The following TNNI3K variants were observed in gnomAD, a reference collection of about 807,000 sequenced individuals.
TNNI3K encodes the protein TNNI3 interacting kinase, also known as serine/threonine-protein kinase TNNI3K.
In TNNI3K, 140 loss-of-function variants were observed where a neutral mutation model predicts 114.5. The ratio of observed to expected loss-of-function variants is 1.22; its 90% CI spans 1.07 to 1.41. The LOEUF (loss-of-function observed/expected upper bound fraction) is 1.41, where lower values mean the gene tolerates loss of function less well. TNNI3K is among the 40% of genes most tolerant of loss of function. The pLI, the probability that TNNI3K is intolerant of heterozygous loss-of-function variation, is 0.00. For synonymous variants in TNNI3K, 347 were observed against 347.5 expected (o/e 1.00, Z 0.02); for missense variants, 1,125 against 1,007.6 (o/e 1.12, Z -1.58).
At chr1:74,538,738 G>T (rs894946787) in intron 23 of TNNI3K, among the ~76,000 whole-genome samples, 1 of 152,112 alleles carries the variant, frequency 6.6e-6, no homozygotes, top group Non-Finnish European at 1.5e-5. Context: ...CAAGTGTTCA[G>T]CAAAAGGGGA....
chr1:74,532,513 T>C (rs1054596629), intron 23 of TNNI3K, among the ~76,000 whole-genome samples: 6 of 152,050 alleles, frequency 3.9e-5, no homozygotes, highest in Non-Finnish European at 8.8e-5. Context: ...TTAGGGTACA[T>C]GTGCACAATG....
At chr1:74,285,320 C>T (rs1434947462) in intron 5 of TNNI3K, among the ~76,000 whole-genome samples, 4 of 152,172 alleles carry the variant, frequency 2.6e-5, no homozygotes, top group African/African-American at 9.7e-5. Flanking sequence ...ACCTTTTCAG[C>T]CCTGGATCTT....
At chr1:74,540,393 C>A in intron 24 of TNNI3K, 80 bp downstream of exon 24, 3 of 1,283,176 alleles carry the variant, frequency 2.3e-6, no homozygotes, top group Non-Finnish European at 3.3e-6. Flanking sequence ...AGGGAGAAAG[C>A]ATTGCATATT....
intron 19 of TNNI3K, among the ~76,000 whole-genome samples, chr1:74,436,849 T>A (rs1570618036): frequency 6.6e-6 from 1 of 152,088 alleles, no homozygotes; most frequent in Non-Finnish European, 1.5e-5. Flanking sequence ...AAGTAAACAT[T>A]TAATAGGGAA....
chr1:74,522,276 T>A (rs1192443944), intron 23 of TNNI3K, among the ~76,000 whole-genome samples: 1 of 152,160 alleles, frequency 6.6e-6, no homozygotes, highest in Non-Finnish European at 1.5e-5. Flanking sequence ...AGCTGCTGCT[T>A]GTACTTGCTA....
chr1:74,388,196 T>C (rs910816777), intron 17 of TNNI3K, among the ~76,000 whole-genome samples: 2 of 152,040 alleles, frequency 1.3e-5, no homozygotes, highest in Non-Finnish European at 2.9e-5. Flanking sequence ...AAGAATGGCT[T>C]GAACCTGGGT....
intron 9 of TNNI3K, among the ~76,000 whole-genome samples, chr1:74,351,237 G>T (rs935175890): frequency 6.6e-6 from 1 of 151,578 alleles, no homozygotes; most frequent in African/African-American, 2.4e-5. Flanking sequence ...GCTTAGTTTG[G>T]CTGGATATGA....
chr1:74,535,816 T>A (rs574811721), intron 23 of TNNI3K, among the ~76,000 whole-genome samples: 1 of 152,198 alleles, frequency 6.6e-6, no homozygotes, highest in Admixed American at 6.5e-5. Context: ...TCAGTCACAA[T>A]TGAATCTAAC....
intron 6 of TNNI3K, among the ~76,000 whole-genome samples, chr1:74,333,780 G>A (rs921301194): frequency 1.4e-4 from 22 of 152,232 alleles, no homozygotes; most frequent in Admixed American, 1.1e-3. Flanking sequence ...TGCACCAAGA[G>A]CAATATTTCC....
intron 11 of TNNI3K, among the ~76,000 whole-genome samples, chr1:74,365,875 TAAG>T (rs1405640613): frequency 6.6e-6 from 1 of 151,962 alleles, no homozygotes; most frequent in African/African-American, 2.4e-5. Context: ...CTGGAGATGA[TAAG>T]AAAATAGACA....
intron 23 of TNNI3K, among the ~76,000 whole-genome samples, chr1:74,506,566 G>A (rs1434287721): frequency 6.6e-6 from 1 of 152,174 alleles, no homozygotes; most frequent in Non-Finnish European, 1.5e-5. Context: ...TGAGGCATTT[G>A]AATTGGATGC....
At chr1:74,341,918 G>A (rs1413789506) in intron 7 of TNNI3K, 2 of 152,196 alleles carry the variant, frequency 1.3e-5, no homozygotes, top group African/African-American at 4.8e-5. Flanking sequence ...TACGTCATCA[G>A]CTCTGAAGTC....
chr1:74,445,175 T>A (rs953837126), intron 20 of TNNI3K, among the ~76,000 whole-genome samples: 1 of 151,896 alleles, frequency 6.6e-6, no homozygotes, highest in African/African-American at 2.4e-5. Flanking sequence ...AAGCAAAAAT[T>A]GACAAACGTG....
chr1:74,259,706 G>A (rs1655553577), intron 4 of TNNI3K, among the ~76,000 whole-genome samples: 1 of 152,160 alleles, frequency 6.6e-6, no homozygotes, highest in African/African-American at 2.4e-5. Context: ...TCAGGAGGTG[G>A]AGATTGCATT....
intron 11 of TNNI3K, among the ~76,000 whole-genome samples, chr1:74,362,947 G>A (rs1473509629): frequency 3.9e-5 from 6 of 152,128 alleles, no homozygotes; most frequent in African/African-American, 1.4e-4. Context: ...CTCTAAAAGT[G>A]CAGATCATCA....
intron 5 of TNNI3K, among the ~76,000 whole-genome samples, chr1:74,327,074 C>T (rs947705111): frequency 6.4e-5 from 9 of 140,982 alleles, no homozygotes; most frequent in African/African-American, 1.9e-4. Flanking sequence ...AGCAAGACTC[C>T]GTGTCAAAAA....
intron 4 of TNNI3K, among the ~76,000 whole-genome samples, chr1:74,258,785 C>T (rs995935537): frequency 1.3e-5 from 2 of 152,164 alleles, no homozygotes; most frequent in Non-Finnish European, 2.9e-5. Context: ...CTGTTCAACC[C>T]TAATGGTTTT....
At chr1:74,320,594 G>A (rs1276838921) in intron 5 of TNNI3K, among the ~76,000 whole-genome samples, 4 of 152,164 alleles carry the variant, frequency 2.6e-5, no homozygotes, top group African/African-American at 4.8e-5. Context: ...CTTGCAACAA[G>A]ATTAACCCTT....
At chr1:74,423,134 C>G (rs997139515) in intron 17 of TNNI3K, among the ~76,000 whole-genome samples, 1 of 152,054 alleles carries the variant, frequency 6.6e-6, no homozygotes, top group African/African-American at 2.4e-5. Flanking sequence ...TCTCCTCCTT[C>G]AGATGCCAAA....
Sources: gnomAD v4.1 joint callset for allele counts (sites outside exome capture counted in the v4.1 genomes callset) on GRCh38, gnomAD v4.1.1 for gene constraint, MANE v1.5 for transcripts, NCBI Gene and HGNC (gene_info 2026-07-23, HGNC 2026-07-21) for gene names.